The following PIP5K1C variants were observed in gnomAD, a reference collection of about 807,000 sequenced individuals.
PIP5K1C encodes phosphatidylinositol 4-phosphate 5-kinase type-1 gamma.
PIP5K1C carries 45 observed loss-of-function variants against 80.1 expected under a neutral mutation model. The observed-to-expected ratio is 0.56, with a 90% CI of 0.44 to 0.72. The LOEUF (loss-of-function observed/expected upper bound fraction) is 0.72, where lower values mean the gene tolerates loss of function less well. Ranked by LOEUF, PIP5K1C falls within the 30% of genes least tolerant of loss-of-function variation. The probability of loss-of-function intolerance (pLI) is 0.00; values close to 1 mark genes in which losing one functional copy is unlikely to be tolerated. For missense variants in PIP5K1C, 753 were observed against 954.6 expected (o/e 0.79, Z 2.78); for synonymous variants, 498 against 420.1 (o/e 1.19, Z -2.27).
In PIP5K1C at chr19:3,631,774, A is replaced by C. The variant is rs1047476199; in HGVS notation, c.*1393T>G. ...CGTGGCGTCATACGGAGGTTGTAACAGACAAAACACAGAGCCCTGCCTGGG... is the reference window on the plus strand; with the variant it reads ...CGTGGCGTCATACGGAGGTTGTAACCGACAAAACACAGAGCCCTGCCTGGG... On this transcript the variant is annotated 3_prime_UTR_variant, in exon 18 of 18. Coordinates refer to ENST00000335312, the MANE Select transcript of PIP5K1C (RefSeq NM_012398.3). The C allele has an allele frequency of 6.6e-6, 1 of 152,262 alleles. No individual in the cohort carries two copies. Among genetic ancestry groups the C allele is most frequent in the Non-Finnish European group, 1.5e-5 (1 of 68,072 alleles). The allele number at this position is 152,262 out of a possible 1,614,324, so 9.4% of individuals were successfully genotyped here.
intron 5 of PIP5K1C, 64 bp downstream of exon 5, chr19:3,660,902 C>A (rs1403240724): frequency 4.7e-5 from 63 of 1,335,342 alleles, no homozygotes; most frequent in South Asian, 1.1e-4. Context: ...GACCCACAGA[C>A]CCTCCGAGAC....
intron 1 of PIP5K1C, among the ~76,000 whole-genome samples, chr19:3,700,036 C>A (rs941153425): frequency 1.3e-5 from 2 of 152,164 alleles, no homozygotes; most frequent in Non-Finnish European, 2.9e-5. Context: ...TCAGGCAGAA[C>A]GGGGATCCCC....
intron 6 of PIP5K1C, 142 bp downstream of exon 6, chr19:3,656,263 G>A (rs1016050774): frequency 5.8e-6 from 5 of 860,680 alleles, no homozygotes; most frequent in Non-Finnish European, 9.4e-6. Flanking sequence ...GGACCCCCGA[G>A]GGTGAGTCCC....
chr19:3,698,261 C>G (rs1431522744), intron 1 of PIP5K1C, among the ~76,000 whole-genome samples: 1 of 152,262 alleles, frequency 6.6e-6, no homozygotes, highest in African/African-American at 2.4e-5. Context: ...GCCAACTCAT[C>G]CCAGGCTCAG....
At chr19:3,658,655 A>T (rs1315081302) in intron 5 of PIP5K1C, among the ~76,000 whole-genome samples, 1 of 152,182 alleles carries the variant, frequency 6.6e-6, no homozygotes, top group Non-Finnish European at 1.5e-5. Context: ...AAGCAGCCGG[A>T]GTGTCCCTCC....
chr19:3,670,389 C>CGAG, intron 1 of PIP5K1C, among the ~76,000 whole-genome samples: 1 of 152,202 alleles, frequency 6.6e-6, no homozygotes, highest in South Asian at 2.1e-4. Flanking sequence ...TCAGGGAGGC[C>CGAG]AAGATGCCGT....
intron 2 of PIP5K1C, 106 bp from the exon 3 acceptor site, chr19:3,665,020 G>T: frequency 2.2e-6 from 2 of 890,010 alleles, no homozygotes; most frequent in East Asian, 2.6e-5. Flanking sequence ...GGGCCCAGCA[G>T]GGGTGCACAG....
chr19:3,681,980 T>C (rs886870038), intron 1 of PIP5K1C, among the ~76,000 whole-genome samples: 6 of 152,156 alleles, frequency 3.9e-5, no homozygotes, highest in Middle Eastern at 6.8e-3. Flanking sequence ...CGAGCCCAGA[T>C]TGCAGAGCCT....
chr19:3,662,948 G>T (rs966051323), intron 3 of PIP5K1C, among the ~76,000 whole-genome samples: 1 of 152,128 alleles, frequency 6.6e-6, no homozygotes, highest in Non-Finnish European at 1.5e-5. Context: ...TGCAACCTCC[G>T]CCTCCTGGGT....
chr19:3,647,848 G>A (rs972304089), intron 9 of PIP5K1C, among the ~76,000 whole-genome samples: 1 of 152,218 alleles, frequency 6.6e-6, no homozygotes, highest in East Asian at 1.9e-4. Flanking sequence ...TGGGGAGGCT[G>A]GGGCAGGAGA....
chr19:3,685,758 A>G (rs1485911641), intron 1 of PIP5K1C, among the ~76,000 whole-genome samples: 4 of 152,126 alleles, frequency 2.6e-5, no homozygotes, highest in Admixed American at 6.5e-5. Context: ...TTATTGGAAC[A>G]TGGCCACACC....
In PIP5K1C at chr19:3,652,005, G is replaced by C. The variant is rs751450551; in HGVS notation, c.948C>G (p.Asp316Glu). 6.2e-7 allele frequency: 1 copy of C among 1,613,170 alleles called. No homozygotes were observed. The highest frequency in any genetic ancestry group is 8.5e-7 in the Non-Finnish European group (1 of 1,179,974). Residue 316 changes from aspartate (D) to glutamate (E), a missense_variant, in exon 8 of 18, where the codon GAC becomes GAG. This residue lies in a region of PIP5K1C where 105 missense variants were observed against 133.4 expected (regional missense o/e 0.79). Transcript: ENST00000335312. Reference sequence around the variant, plus strand: ...TGTGCACGCCCAGCAGCAGGCTGTAGTCCATGATCTTGAAACTTTCCAGGA... The same window carrying C: ...TGTGCACGCCCAGCAGCAGGCTGTACTCCATGATCTTGAAACTTTCCAGGA... Reference protein sequence around the residue: ...CLVLESFKIMDYSLLLGVHNI... With the variant: ...CLVLESFKIMEYSLLLGVHNI...
chr19:3,683,440 G>C (rs2035651413), intron 1 of PIP5K1C, among the ~76,000 whole-genome samples: 1 of 152,212 alleles, frequency 6.6e-6, no homozygotes, highest in Non-Finnish European at 1.5e-5. Flanking sequence ...GCGCAGGCAG[G>C]AGCTGGCCAG....
rs538274896 is a variant in PIP5K1C at position 3,647,402 on chromosome 19, C to T, written c.1212-16G>A. On this transcript the variant is annotated splice_polypyrimidine_tract_variant and intron_variant, in intron 9 of 17. Coordinates refer to ENST00000335312, the MANE Select transcript of PIP5K1C (RefSeq NM_012398.3). ...CTTGATGAACCTGTGGAGAGAGCAC[C>T]CGGAGTGGCAGCTGACATCAGCCAA... 6.4e-7 allele frequency: 1 copy of T among 1,574,702 alleles called. No homozygotes were observed. Among genetic ancestry groups the T allele is most frequent in the Non-Finnish European group, 8.6e-7 (1 of 1,159,196 alleles).
At position 3,653,407 on chromosome 19, in the gene PIP5K1C, C is replaced by T; in HGVS notation, c.804G>A (p.Lys268=). The T allele has an allele frequency of 6.2e-7, 1 of 1,613,316 alleles. No individual in the cohort carries two copies. Among genetic ancestry groups the T allele is most frequent in the Non-Finnish European group, 8.5e-7 (1 of 1,180,034 alleles). ...TYKRRASKKE[K]EKSFPTYKDL... is the part of the protein sequence containing the mutation. ...CCTTGTAGGTGGGGAAGCTCTTCTCCTTCTCCTTCTTGCTGGCGCGCCGCT... is the reference window on the plus strand; with the variant it reads ...CCTTGTAGGTGGGGAAGCTCTTCTCTTTCTCCTTCTTGCTGGCGCGCCGCT... Residue 268 remains lysine (K), a synonymous_variant, in exon 7 of 18, where the codon AAG becomes AAA. Coordinates refer to ENST00000335312, the MANE Select transcript of PIP5K1C (RefSeq NM_012398.3).
Position 3,637,072 on chromosome 19 carries a change from T to C in PIP5K1C, c.1920+1812A>G, listed in dbSNP as rs2033717343. 1 of 1,214,454 alleles carries C rather than the reference T, an allele frequency of 8.2e-7. No homozygotes were observed. The highest frequency in any genetic ancestry group is 1.0e-6 in the Non-Finnish European group (1 of 969,564). 75.2% of individuals were successfully genotyped at this position (1,214,454 alleles called of 1,614,324 possible). A position where few individuals can be genotyped will look rare whatever the true frequency, so the allele number is the denominator to read the frequency against. The stretch of plus-strand genomic sequence containing the variant: ...AGAGACCATCTCCTCCCCGTCTCCA[T>C]GGCCCTGCGGTTCAGAGCCCGGCCC... On this transcript the variant is annotated intron_variant, in intron 16 of 17. Transcript: ENST00000335312. The surrounding 1 kb of genome is among the most constrained non-coding windows in gnomAD (Gnocchi z 7.0).
At chr19:3,660,811 G>A (rs996024346) in intron 5 of PIP5K1C, among the ~76,000 whole-genome samples, 155 bp downstream of exon 5, 5 of 151,888 alleles carry the variant, frequency 3.3e-5, no homozygotes, top group Non-Finnish European at 5.9e-5. Context: ...TGCTTTCCCG[G>A]TGAGTCTCAC....
At chr19:3,679,056 C>T (rs1346475782) in intron 1 of PIP5K1C, among the ~76,000 whole-genome samples, 2 of 151,958 alleles carry the variant, frequency 1.3e-5, no homozygotes, top group Non-Finnish European at 2.9e-5. Flanking sequence ...AAGACCCAGG[C>T]GGTAAGTCGT....
In PIP5K1C at chr19:3,662,017, A is replaced by C; in HGVS notation, c.220-16T>G. 1 of 1,577,312 alleles carries C rather than the reference A, an allele frequency of 6.3e-7. No individual in the cohort carries two copies. On this transcript the variant is annotated splice_polypyrimidine_tract_variant and intron_variant, in intron 3 of 17. Coordinates refer to ENST00000335312, the MANE Select transcript of PIP5K1C (RefSeq NM_012398.3). Reference sequence around the variant, plus strand: ...AGGAGGTGGTCTGCAGGGAGACCAGAGTGTCAGGGCCCCCGGCTGCTCCCC... The same window carrying C: ...AGGAGGTGGTCTGCAGGGAGACCAGCGTGTCAGGGCCCCCGGCTGCTCCCC...
Sources: gnomAD v4.1 joint callset for allele counts (sites outside exome capture counted in the v4.1 genomes callset) on GRCh38, gnomAD v4.1.1 for gene constraint, gnomAD v4.1.1 regional missense constraint, Gnocchi (gnomAD v3.1) non-coding constraint, MANE v1.5 for transcripts, NCBI Gene and HGNC (gene_info 2026-07-23, HGNC 2026-07-21) for gene names.